DLC1: variants seen among roughly 807,000 people sequenced by gnomAD.
DLC1 encodes DLC1 Rho GTPase activating protein.
A neutral mutation model predicts 140.3 loss-of-function variants in DLC1; 54 were observed. The ratio of observed to expected loss-of-function variants is 0.38; its 90% confidence interval spans 0.31 to 0.48. The LOEUF is 0.48. Ranked by LOEUF, DLC1 falls within the 20% of genes least tolerant of loss-of-function variation. The pLI is 0.96. For missense variants in DLC1, 2,536 were observed against 1,907.0 expected (o/e 1.33, Z -6.14); for synonymous variants, 986 against 728.1 (o/e 1.35, Z -5.70).
At chr8:13,124,303 A>G (rs1821372080) in intron 5 of DLC1, among the ~76,000 whole-genome samples, 1 of 152,184 alleles carries the variant, frequency 6.6e-6, no homozygotes, top group Admixed American at 6.5e-5. Context: ...AGGAAGCATT[A>G]TGATCTTGGA....
intron 5 of DLC1, among the ~76,000 whole-genome samples, chr8:13,163,427 G>C (rs1198958557): frequency 6.6e-6 from 1 of 152,086 alleles, no homozygotes; most frequent in Non-Finnish European, 1.5e-5. Context: ...TCCTGTTCTA[G>C]GGTTCCCAGG....
At chr8:13,355,313 C>G (rs1203128943) in intron 4 of DLC1, among the ~76,000 whole-genome samples, 1 of 152,122 alleles carries the variant, frequency 6.6e-6, no homozygotes, top group Non-Finnish European at 1.5e-5. Context: ...TAACGAAACC[C>G]CATTTCTACT....
chr8:13,531,457 G>A (rs1159048898), intron 1 of DLC1, among the ~76,000 whole-genome samples: 1 of 152,030 alleles, frequency 6.6e-6, no homozygotes, highest in Non-Finnish European at 1.5e-5. Flanking sequence ...ATGGTGATGG[G>A]GGCCTATAAT....
intron 2 of DLC1, among the ~76,000 whole-genome samples, chr8:13,435,330 T>C (rs931436239): frequency 1.3e-5 from 2 of 152,172 alleles, no homozygotes; most frequent in East Asian, 3.9e-4. Flanking sequence ...TTTTCTTTTT[T>C]GAGACAGAGT....
In DLC1 at chr8:13,085,600, C is replaced by G. The variant is rs1417058247; in HGVS notation, c.*211G>C. The G allele has an allele frequency of 1.3e-5, 7 of 526,148 alleles. No homozygotes were observed. The highest frequency in any genetic ancestry group is 3.7e-5 in the East Asian group (1 of 27,232). 32.6% of individuals were successfully genotyped at this position (526,148 alleles called of 1,614,324 possible). ...AATTTTTTTTTTTTTTTTGCACAGT[C>G]TTACATATTCCAGTCAAGGTCTATG... On this transcript the variant is annotated 3_prime_UTR_variant, in exon 18 of 18. Transcript: ENST00000276297.
intron 1 of DLC1, among the ~76,000 whole-genome samples, chr8:13,536,927 T>C (rs1325467857): frequency 6.6e-6 from 1 of 152,182 alleles, no homozygotes; most frequent in East Asian, 1.9e-4. Flanking sequence ...TTGGAAAACA[T>C]ATCACCATTG....
At chr8:13,378,684 G>A (rs1297454380) in intron 4 of DLC1, among the ~76,000 whole-genome samples, 1 of 151,890 alleles carries the variant, frequency 6.6e-6, no homozygotes, top group African/African-American at 2.4e-5. Context: ...TCTTTTGTTT[G>A]TAACAATATT....
intron 5 of DLC1, among the ~76,000 whole-genome samples, chr8:13,123,961 T>G (rs1402220169): frequency 6.6e-6 from 1 of 152,212 alleles, no homozygotes; most frequent in Non-Finnish European, 1.5e-5. Context: ...TATATATGTG[T>G]GTATAAATAT....
intron 4 of DLC1, among the ~76,000 whole-genome samples, chr8:13,354,729 G>T (rs1834840236): frequency 6.6e-6 from 1 of 150,406 alleles, no homozygotes; most frequent in Admixed American, 6.7e-5. Flanking sequence ...TGGATTGCTT[G>T]AGCACAGGAG....
intron 4 of DLC1, among the ~76,000 whole-genome samples, chr8:13,356,427 T>A (rs1278665126): frequency 1.3e-5 from 2 of 152,192 alleles, no homozygotes; most frequent in Admixed American, 6.5e-5. Flanking sequence ...AACAAAATTG[T>A]CCTTTATCCT....
chr8:13,603,665 CAACT>C (rs1309238890), intron 1 of DLC1, among the ~76,000 whole-genome samples: 2 of 151,974 alleles, frequency 1.3e-5, no homozygotes, highest in Non-Finnish European at 2.9e-5. Flanking sequence ...TGTTAGGAAC[CAACT>C]AACTGAGTAA....
intron 2 of DLC1, among the ~76,000 whole-genome samples, chr8:13,432,942 C>CTTTTT (rs35776848): frequency 3.2e-5 from 3 of 93,006 alleles, no homozygotes; most frequent in Admixed American, 1.4e-4. Flanking sequence ...TCCTCTCTTC[C>CTTTTT]TTTTTTTTTT....
chr8:13,127,171 G>C (rs931268666), intron 5 of DLC1, among the ~76,000 whole-genome samples: 1 of 152,160 alleles, frequency 6.6e-6, no homozygotes, highest in African/African-American at 2.4e-5. Flanking sequence ...GTATTGCTTG[G>C]GACACCCAGC....
intron 2 of DLC1, among the ~76,000 whole-genome samples, chr8:13,446,172 C>T (rs1798769215): frequency 6.6e-6 from 1 of 152,238 alleles, no homozygotes; most frequent in East Asian, 1.9e-4. Flanking sequence ...ATATAATTTC[C>T]AGAAAACAAA....
chr8:13,383,996 T>G (rs531696648), intron 4 of DLC1, among the ~76,000 whole-genome samples: 1 of 152,288 alleles, frequency 6.6e-6, no homozygotes, highest in Non-Finnish European at 1.5e-5. Context: ...TTTAATGGCT[T>G]AAAACAGTAC....
At chr8:13,389,361 C>G (rs112770311) in intron 4 of DLC1, among the ~76,000 whole-genome samples, 6 of 152,018 alleles carry the variant, frequency 3.9e-5, no homozygotes, top group African/African-American at 1.4e-4. Flanking sequence ...TACTGTTGCA[C>G]AGTGAATCAA....
At chr8:13,445,527 A>G (rs915588511) in intron 2 of DLC1, among the ~76,000 whole-genome samples, 5 of 152,230 alleles carry the variant, frequency 3.3e-5, no homozygotes, top group Non-Finnish European at 7.3e-5. Context: ...CAAGGTAAGG[A>G]ACCACCAATG....
chr8:13,306,849 C>T (rs1346825022), intron 4 of DLC1, among the ~76,000 whole-genome samples: 4 of 151,402 alleles, frequency 2.6e-5, no homozygotes, highest in Admixed American at 6.6e-5. Flanking sequence ...TTTGGGAGGC[C>T]GAGGCGGGTG....
At chr8:13,132,191 G>GA (rs1822156769) in intron 5 of DLC1, among the ~76,000 whole-genome samples, 2 of 145,934 alleles carry the variant, frequency 1.4e-5, no homozygotes, top group Non-Finnish European at 3.0e-5. Context: ...CCATCTCCGG[G>GA]AAAAAAACCA....
Sources: gnomAD v4.1 joint callset for allele counts (sites outside exome capture counted in the v4.1 genomes callset) on GRCh38, gnomAD v4.1.1 for gene constraint, MANE v1.5 for transcripts, NCBI Gene and HGNC (gene_info 2026-07-23, HGNC 2026-07-21) for gene names.